TTC28: variants seen among roughly 807,000 people sequenced by gnomAD.
TTC28 encodes tetratricopeptide repeat domain 28, also known as tetratricopeptide repeat protein 28.
In TTC28, 61 loss-of-function variants were observed where a neutral mutation model predicts 198.0. That is an observed-to-expected ratio of 0.31 (90% CI 0.25 to 0.38). The LOEUF is 0.38. TTC28 is among the 10% of genes least tolerant of loss of function. TTC28 has a pLI of 1.00. For synonymous variants in TTC28, 1,171 were observed against 1,297.8 expected (o/e 0.90, Z 2.10); for missense variants, 2,678 against 3,164.0 (o/e 0.85, Z 3.69).
intron 6 of TTC28, among the ~76,000 whole-genome samples, chr22:28,155,495 AAG>A (rs1467102709): frequency 6.6e-6 from 1 of 152,254 alleles, no homozygotes; most frequent in Non-Finnish European, 1.5e-5. Context: ...TAAATAGAAT[AAG>A]AAGAGAATTT....
rs200880887 is a variant in TTC28, at chr22:27,983,282, C to T, written c.6385G>A (p.Ala2129Thr). 3.3e-4 allele frequency: 517 copies of T among 1,552,028 alleles called. No individual in the cohort carries two copies. Among genetic ancestry groups the T allele is most frequent in the Non-Finnish European group, 4.2e-4 (487 of 1,147,076 alleles). Residue 2129 changes from alanine (A) to threonine (T), a missense_variant, in exon 23 of 23, where the codon GCA (alanine) becomes ACA (threonine). Ala to Thr is a moderately conservative substitution (Grantham distance 58). This residue lies in a region of TTC28 where 622 missense variants were observed against 656.0 expected (regional missense o/e 0.95). Coordinates refer to ENST00000397906, the MANE Select transcript of TTC28 (RefSeq NM_001145418.2). ...TCTGATTCTCCTGTATCTGAGCTTG[C>T]TAGTTTTCCCACCTTTTGGAAGGGT... ...NSPFQKVGKLASSDTGESDQS... is the reference protein window; with the variant it reads ...NSPFQKVGKLTSSDTGESDQS...
At chr22:28,512,179 G>A (rs192911893) in intron 2 of TTC28, among the ~76,000 whole-genome samples, 4 of 151,304 alleles carry the variant, frequency 2.6e-5, no homozygotes, top group African/African-American at 4.8e-5. Context: ...TGAGGCCAAC[G>A]AACATATGAA....
At chr22:28,318,711 T>C (rs1304216776) in intron 2 of TTC28, among the ~76,000 whole-genome samples, 4 of 152,162 alleles carry the variant, frequency 2.6e-5, no homozygotes, top group South Asian at 2.1e-4. Context: ...CATTTTTCTT[T>C]TCCTGTTTTT....
chr22:28,312,850 A>G (rs1305242177), intron 2 of TTC28, among the ~76,000 whole-genome samples: 1 of 152,204 alleles, frequency 6.6e-6, no homozygotes, highest in African/African-American at 2.4e-5. Context: ...AAGGCAAGAA[A>G]TAACTAAGAT....
At chr22:28,105,851 A>G in intron 7 of TTC28, 49 bp from the exon 8 acceptor site, 2 of 1,492,390 alleles carry the variant, frequency 1.3e-6, no homozygotes, top group Non-Finnish European at 1.8e-6. Flanking sequence ...ATGCAGGTGC[A>G]GACATGCTAA....
chr22:28,581,961 G>A (rs551499644), intron 2 of TTC28, among the ~76,000 whole-genome samples: 114 of 151,970 alleles, frequency 7.5e-4, no homozygotes, highest in African/African-American at 2.6e-3. Context: ...GAACACTTTG[G>A]CAAGCACAAT....
In TTC28 at chr22:28,206,972, A is replaced by G. The variant is rs192137342; in HGVS notation, c.934-43373T>C. On this transcript the variant is annotated intron_variant, in intron 5 of 22. Transcript: ENST00000397906. ...TAAAACTCGAAGGACAAGAGAGACT[A>G]GTCAGGACAAGTAATTCATTCCAAC... is the stretch of plus-strand genomic sequence containing the variant. Among the ~76,000 whole-genome samples, 12 of 152,310 alleles carry G rather than the reference A, an allele frequency of 7.9e-5. No homozygotes were observed. In the East Asian group the frequency reaches 2.1e-3, roughly 27 times the overall value.
chr22:28,062,069 T>G (rs1260139176), intron 12 of TTC28, among the ~76,000 whole-genome samples: 1 of 152,228 alleles, frequency 6.6e-6, no homozygotes, highest in East Asian at 1.9e-4. Flanking sequence ...CTTTTTTTTT[T>G]GAGAGTCTCC....
chr22:28,096,821 T>C (rs199504277), intron 10 of TTC28, among the ~76,000 whole-genome samples: 1 of 151,944 alleles, frequency 6.6e-6, no homozygotes, highest in Non-Finnish European at 1.5e-5. Context: ...TTTTTTTTTT[T>C]TGAGACAGGG....
intron 5 of TTC28, among the ~76,000 whole-genome samples, chr22:28,163,947 A>G (rs1265566481): frequency 6.6e-6 from 1 of 152,178 alleles, no homozygotes; most frequent in East Asian, 1.9e-4. Flanking sequence ...CTCCCACCCT[A>G]ATACTGCACT....
chr22:28,495,244 AATG>A (rs1411765751), intron 2 of TTC28, among the ~76,000 whole-genome samples: 1 of 152,184 alleles, frequency 6.6e-6, no homozygotes, highest in African/African-American at 2.4e-5. Flanking sequence ...AACCTGCACA[AATG>A]ATGAAAATAG....
intron 5 of TTC28, among the ~76,000 whole-genome samples, chr22:28,272,839 A>G (rs1430595644): frequency 2.0e-5 from 3 of 152,192 alleles, no homozygotes; most frequent in African/African-American, 7.2e-5. Flanking sequence ...ACATGCCATT[A>G]AAGAAACGTG....
chr22:28,495,887 G>A (rs921140248), intron 2 of TTC28, among the ~76,000 whole-genome samples: 2 of 151,658 alleles, frequency 1.3e-5, no homozygotes, highest in Non-Finnish European at 2.9e-5. Flanking sequence ...TCTCTTAAAC[G>A]CACACCAAAC....
chr22:28,274,976 T>C (rs1336334151), intron 5 of TTC28, among the ~76,000 whole-genome samples: 1 of 77,876 alleles, frequency 1.3e-5, no homozygotes, highest in Non-Finnish European at 2.5e-5. Flanking sequence ...GAGACTGTCT[T>C]AAAAAAAAAA....
At chr22:28,088,751 C>T (rs931591118) in intron 12 of TTC28, among the ~76,000 whole-genome samples, 4 of 152,272 alleles carry the variant, frequency 2.6e-5, no homozygotes, top group South Asian at 4.1e-4. Context: ...AAAACATCTT[C>T]GCAACCTACT....
At position 28,175,880 on chromosome 22, in the gene TTC28, C is replaced by A. The variant is rs545947836; in HGVS notation, c.934-12281G>T. Among the ~76,000 whole-genome samples, 7 of 152,188 alleles carry A rather than the reference C, an allele frequency of 4.6e-5. No individual in the cohort carries two copies. In the South Asian group the frequency reaches 1.5e-3, roughly 32 times the overall value. The stretch of plus-strand genomic sequence containing the variant: ...CAAAACCACAATGAAATACCAGTTA[C>A]AACGGCTATTATAAAAAAGATACAT... On this transcript the variant is annotated intron_variant, in intron 5 of 22. Transcript: ENST00000397906.
At chr22:28,547,120 T>C (rs894252880) in intron 2 of TTC28, among the ~76,000 whole-genome samples, 2 of 152,226 alleles carry the variant, frequency 1.3e-5, no homozygotes, top group African/African-American at 4.8e-5. Context: ...TTGAACTATA[T>C]ATTTTAAATG....
intron 6 of TTC28, among the ~76,000 whole-genome samples, chr22:28,159,524 C>T (rs968863163): frequency 1.3e-5 from 2 of 151,900 alleles, no homozygotes; most frequent in Non-Finnish European, 2.9e-5. Flanking sequence ...GGCGTGGTGG[C>T]GTGAGCCTAC....
At chr22:28,412,425 T>C (rs893698850) in intron 2 of TTC28, among the ~76,000 whole-genome samples, 1 of 152,188 alleles carries the variant, frequency 6.6e-6, no homozygotes, top group Admixed American at 6.5e-5. Context: ...AAAATGTCTA[T>C]TGAATGTGTG....
Sources: allele counts gnomAD v4.1 joint callset (sites outside exome capture counted in the v4.1 genomes callset), GRCh38; gene constraint gnomAD v4.1.1; regional missense constraint gnomAD v4.1.1; transcripts MANE v1.5; gene names NCBI Gene and HGNC (gene_info 2026-07-23, HGNC 2026-07-21).